Variants in SKOR1 observed in about 807,000 individuals in gnomAD.
SKOR1 encodes LBX1 corepressor 1.
SKOR1 carries 38 observed loss-of-function variants against 72.4 expected under a neutral mutation model. The observed-to-expected ratio is 0.52, with a 90% CI of 0.40 to 0.69. The LOEUF (loss-of-function observed/expected upper bound fraction) is 0.69, where lower values mean the gene tolerates loss of function less well. SKOR1 is among the 30% of genes least tolerant of loss of function. The probability of loss-of-function intolerance (pLI) is 0.00; values close to 1 mark genes in which losing one functional copy is unlikely to be tolerated. For synonymous variants in SKOR1, 642 were observed against 599.4 expected, an observed-to-expected ratio of 1.07 and a Z score of -1.04; for missense variants, 1,320 against 1,343.2, an observed-to-expected ratio of 0.98 and a Z score of 0.27.
rs563015397 is a variant in SKOR1, at chr15:67,827,710, G to T, written c.1882G>T (p.Ala628Ser). 38 of 1,541,476 alleles carry T rather than the reference G, an allele frequency of 2.5e-5. No individual in the cohort carries two copies. The highest frequency in any genetic ancestry group is 2.4e-4 in the Admixed American group (12 of 50,604). ...AGPARGPGPG[A>S]GSGGYVSPDF... ...GCCTGCTCGGGGGCCGGGACCCGGCGCTGGGAGCGGCGGCTACGTGAGCCC... is the reference window on the plus strand; with the variant it reads ...GCCTGCTCGGGGGCCGGGACCCGGCTCTGGGAGCGGCGGCTACGTGAGCCC... Residue 628 changes from alanine to serine, a missense_variant, in exon 2 of 9, where the codon GCT (alanine) becomes TCT (serine). Coordinates refer to ENST00000380035, the MANE Select transcript of SKOR1 (RefSeq NM_001365915.1).
In SKOR1 at chr15:67,827,644, G is replaced by A; in HGVS notation, c.1816G>A (p.Ala606Thr). The A allele has an allele frequency of 2.0e-6, 3 of 1,532,562 alleles. No homozygotes were observed. The highest frequency in any genetic ancestry group is 2.5e-5 in the East Asian group (1 of 40,664). 94.9% of individuals were successfully genotyped at this position (1,532,562 alleles called of 1,614,324 possible). A position where few individuals can be genotyped will look rare whatever the true frequency, so the allele number is the denominator to read the frequency against. Residue 606 changes from alanine to threonine, a missense_variant, in exon 2 of 9, where the codon GCT becomes ACT. Ala to Thr is a moderately conservative substitution (Grantham distance 58). Around this residue, in one of 3 missense-constraint regions of SKOR1, gnomAD observed 1,099 missense variants for 1,025.5 expected, o/e 1.07. Coordinates refer to ENST00000380035, the MANE Select transcript of SKOR1 (RefSeq NM_001365915.1). Reference sequence around the variant, plus strand: ...GGTGGTCAAGGACACCGAGAGCATCGCTAAGCTCTACGGGAGCGCCCGGGA... The same window carrying A: ...GGTGGTCAAGGACACCGAGAGCATCACTAAGCTCTACGGGAGCGCCCGGGA... Reference protein sequence around the residue: ...RPVVKDTESIAKLYGSAREAY... With the variant: ...RPVVKDTESITKLYGSAREAY...
chr15:67,827,971 G>A lies in SKOR1; in HGVS notation c.2143G>A (p.Gly715Ser), dbSNP rs954702213. 2 of 1,542,392 alleles carry A rather than the reference G, an allele frequency of 1.3e-6. No individual in the cohort carries two copies. The highest frequency in any genetic ancestry group is 2.0e-5 in the Admixed American group (1 of 49,830). Residue 715 changes from glycine to serine, a missense_variant, in exon 2 of 9, where the codon GGC becomes AGC. Physicochemically the swap from Gly to Ser is moderately conservative, Grantham distance 56 (BLOSUM62 0). Coordinates refer to ENST00000380035, the MANE Select transcript of SKOR1 (RefSeq NM_001365915.1). ...ADGPANSPDG[G>S]SPRPRRRLGP... is the part of the protein sequence containing the mutation. Reference sequence around the variant, plus strand: ...CGGTCCCGCAAACTCTCCCGACGGCGGCAGCCCCCGCCCCCGGCGCCGCCT... The same window carrying A: ...CGGTCCCGCAAACTCTCCCGACGGCAGCAGCCCCCGCCCCCGGCGCCGCCT...
chr15:67,827,369 C>A lies in SKOR1; in HGVS notation c.1541C>A (p.Ala514Glu). 1 of 1,567,558 alleles carries A rather than the reference C, an allele frequency of 6.4e-7. No individual in the cohort carries two copies. The highest frequency in any genetic ancestry group is 8.6e-7 in the Non-Finnish European group (1 of 1,166,648). ...PAAQSQAKAV[A>E]AAVAAAAAAA... ...GCTCAGAGCCAAGCCAAGGCCGTGGCGGCAGCCGTGGCGGCGGCAGCGGCG... is the reference window on the plus strand; with the variant it reads ...GCTCAGAGCCAAGCCAAGGCCGTGGAGGCAGCCGTGGCGGCGGCAGCGGCG... Residue 514 changes from alanine to glutamate, a missense_variant, in exon 2 of 9, where the codon GCG becomes GAG. Around this residue, in one of 3 missense-constraint regions of SKOR1, gnomAD observed 1,099 missense variants for 1,025.5 expected, o/e 1.07. Transcript: ENST00000380035.
chr15:67,833,134 C>A lies in SKOR1; in HGVS notation c.2738-58C>A, dbSNP rs1597020881. The A allele has an allele frequency of 1.3e-6, 2 of 1,595,332 alleles. No individual in the cohort carries two copies. Among genetic ancestry groups the A allele is most frequent in the African/African-American group, 2.7e-5 (2 of 74,454 alleles). Reference sequence around the variant, plus strand: ...GAGAGGAGGAAGCCCGGGCTGTGACCCCGGCCTTTCGGAGGGTGGTCTGCG... The same window carrying A: ...GAGAGGAGGAAGCCCGGGCTGTGACACCGGCCTTTCGGAGGGTGGTCTGCG... On this transcript the variant is annotated intron_variant, in intron 7 of 8. Transcript: ENST00000380035. This position sits in a 1 kb window ranked among gnomAD's most constrained non-coding sequence, Gnocchi z 6.0.
At chr15:67,829,111 A>C in intron 2 of SKOR1, 68 bp from the exon 3 acceptor site, 4 of 1,377,948 alleles carry the variant, frequency 2.9e-6, no homozygotes, top group Non-Finnish European at 3.9e-6. Flanking sequence ...GCCGCGGGGT[A>C]GGGCTGGGCG....
In SKOR1 at chr15:67,826,888, G is replaced by T. The variant is rs2090963373; in HGVS notation, c.1060G>T (p.Ala354Ser). ...PQRGLGLATGASGPAGPGGPG... is the reference protein window; with the variant it reads ...PQRGLGLATGSSGPAGPGGPG... ...GCGCGGACTTGGCCTGGCGACTGGA[G>T]CTAGTGGCCCGGCGGGCCCAGGAGG... The change falls in exon 2 of 9, where the codon GCT (alanine) becomes TCT (serine). Residue 354 changes from alanine (A) to serine (S), a missense_variant. By Grantham distance (99) the Ala-to-Ser change is moderately conservative. Transcript: ENST00000380035. 2 of 1,549,100 alleles carry T rather than the reference G, an allele frequency of 1.3e-6. No homozygotes were observed. The highest frequency in any genetic ancestry group is 2.7e-5 in the African/African-American group (2 of 73,088).
chr15:67,834,046 T>A lies in SKOR1; in HGVS notation c.*210T>A. 1 of 609,840 alleles carries A rather than the reference T, an allele frequency of 1.6e-6. No homozygotes were observed. Among genetic ancestry groups the A allele is most frequent in the Non-Finnish European group, 2.9e-6 (1 of 340,024 alleles). The allele number at this position is 609,840 out of a possible 1,614,324, so 37.8% of individuals were successfully genotyped here. On this transcript the variant is annotated 3_prime_UTR_variant, in exon 9 of 9. Transcript: ENST00000380035. The surrounding 1 kb of genome is among the most constrained non-coding windows in gnomAD (Gnocchi z 5.8). ...AGGGCCCCGGCTTGGTTTCCAAGTG[T>A]AAATACCGCCTCGCGCCTCAAATCC...
intron 3 of SKOR1, among the ~76,000 whole-genome samples, chr15:67,829,773 G>C (rs956780620): frequency 1.3e-5 from 2 of 152,210 alleles, no homozygotes; most frequent in Non-Finnish European, 2.9e-5. Flanking sequence ...GCGGAAAATC[G>C]GGCAGGTCGA....
Position 67,831,001 on chromosome 15 carries a change from G to T in SKOR1, c.2587+112G>T, listed in dbSNP as rs149276059. 4.9e-4 allele frequency: 519 copies of T among 1,052,446 alleles called. 2 individuals carry two copies. In the African/African-American group the frequency reaches 7.1e-3, roughly 14 times the overall value. The allele number at this position is 1,052,446 out of a possible 1,614,324, so 65.2% of individuals were successfully genotyped here. ...GAGTGTGGAAAAGACACTCACCAAGGCCTTGGGGGCATGAGTTTTCCTTTC... is the reference window on the plus strand; with the variant it reads ...GAGTGTGGAAAAGACACTCACCAAGTCCTTGGGGGCATGAGTTTTCCTTTC... On this transcript the variant is annotated intron_variant, in intron 5 of 8. Transcript: ENST00000380035.
chr15:67,831,685 A>G lies in SKOR1; in HGVS notation c.2588-589A>G, dbSNP rs190650870. Among the ~76,000 whole-genome samples, 202 of 152,240 alleles carry G rather than the reference A, an allele frequency of 1.3e-3. 1 individual carries two copies. Among genetic ancestry groups the G allele is most frequent in the African/African-American group, 4.7e-3 (194 of 41,524 alleles). On this transcript the variant is annotated intron_variant, in intron 5 of 8. Coordinates refer to ENST00000380035, the MANE Select transcript of SKOR1 (RefSeq NM_001365915.1). ...GGGAATTTGTGGCAGGAGGAAGACAAGCATTGGTGGTCTTCCATTCTTCCT... is the reference window on the plus strand; with the variant it reads ...GGGAATTTGTGGCAGGAGGAAGACAGGCATTGGTGGTCTTCCATTCTTCCT...
chr15:67,828,667 G>C (rs2090985000), intron 2 of SKOR1, among the ~76,000 whole-genome samples: 1 of 152,182 alleles, frequency 6.6e-6, no homozygotes. Flanking sequence ...GGAACCACAG[G>C]GTTCGTTGCT....
chr15:67,830,189 A>G lies in SKOR1; in HGVS notation c.2408-2A>G. 1 of 1,614,114 alleles carries G rather than the reference A, an allele frequency of 6.2e-7. No individual in the cohort carries two copies. The highest frequency in any genetic ancestry group is 8.5e-7 in the Non-Finnish European group (1 of 1,180,002). The stretch of plus-strand genomic sequence containing the variant: ...CTTGAAATTCGGTTTGTTGCCTTCA[A>G]GAGCCAGATAAGGAAGACAATCACT... On this transcript the variant is annotated splice_acceptor_variant, in intron 3 of 8. Transcript: ENST00000380035. LOFTEE classifies it high-confidence loss of function.
rs2091019810 is a variant in SKOR1, at chr15:67,832,923, A to G, written c.2737+242A>G. ...TATCGCGGCAATTTCCATGGTTTCT[A>G]AATTAAAAATCGAGGCGTAAAATTA... On this transcript the variant is annotated intron_variant, in intron 7 of 8. Coordinates refer to ENST00000380035, the MANE Select transcript of SKOR1 (RefSeq NM_001365915.1). This position sits in a 1 kb window ranked among gnomAD's most constrained non-coding sequence, Gnocchi z 4.5. The G allele has an allele frequency of 3.3e-6, 2 of 601,540 alleles. No homozygotes were observed. The allele number at this position is 601,540 out of a possible 1,614,324, so 37.3% of individuals were successfully genotyped here.
chr15:67,832,363 C>T lies in SKOR1; in HGVS notation c.2662+15C>T. The T allele has an allele frequency of 1.2e-6, 2 of 1,613,406 alleles. No homozygotes were observed. Among genetic ancestry groups the T allele is most frequent in the South Asian group, 1.1e-5 (1 of 91,052 alleles). The stretch of plus-strand genomic sequence containing the variant: ...GAGTCTCAAAGGTACCCACTGCCAT[C>T]CTGCCTCACCCCACCTCATCACCGA... On this transcript the variant is annotated intron_variant, in intron 6 of 8. Transcript: ENST00000380035. This position sits in a 1 kb window ranked among gnomAD's most constrained non-coding sequence, Gnocchi z 4.5.
chr15:67,832,493 G>A lies in SKOR1; in HGVS notation c.2663-114G>A. The A allele has an allele frequency of 7.6e-7, 1 of 1,313,320 alleles. No homozygotes were observed. Among genetic ancestry groups the A allele is most frequent in the Non-Finnish European group, 1.1e-6 (1 of 924,326 alleles). 81.4% of individuals were successfully genotyped at this position (1,313,320 alleles called of 1,614,324 possible). A position where few individuals can be genotyped will look rare whatever the true frequency, so the allele number is the denominator to read the frequency against. On this transcript the variant is annotated intron_variant, in intron 6 of 8. Transcript: ENST00000380035. This position sits in a 1 kb window ranked among gnomAD's most constrained non-coding sequence, Gnocchi z 4.5. ...AAACTGTCCTTTTCCAGGGCTGCAG[G>A]CGAATGGCTGGGTGGGAGTTGGGGG...
At chr15:67,829,101 G>C in intron 2 of SKOR1, 78 bp from the exon 3 acceptor site, 5 of 1,339,184 alleles carry the variant, frequency 3.7e-6, no homozygotes, top group Non-Finnish European at 5.0e-6. Flanking sequence ...TTCCCTCTTG[G>C]CCGCGGGGTA....
At position 67,834,026 on chromosome 15, in the gene SKOR1, C is replaced by G; in HGVS notation, c.*190C>G. 1 of 647,194 alleles carries G rather than the reference C, an allele frequency of 1.5e-6. No individual in the cohort carries two copies. Among genetic ancestry groups the G allele is most frequent in the Non-Finnish European group, 2.7e-6 (1 of 365,652 alleles). The allele number at this position is 647,194 out of a possible 1,614,324, so 40.1% of individuals were successfully genotyped here. On this transcript the variant is annotated 3_prime_UTR_variant, in exon 9 of 9. Coordinates refer to ENST00000380035, the MANE Select transcript of SKOR1 (RefSeq NM_001365915.1). This position sits in a 1 kb window ranked among gnomAD's most constrained non-coding sequence, Gnocchi z 5.8. ...CCTCCCGGGCGTCCCTGTCCAGGGCCCCGGCTTGGTTTCCAAGTGTAAATA... is the reference window on the plus strand; with the variant it reads ...CCTCCCGGGCGTCCCTGTCCAGGGCGCCGGCTTGGTTTCCAAGTGTAAATA...
intron 5 of SKOR1, among the ~76,000 whole-genome samples, chr15:67,831,903 C>CCGGGGGGGGGGGGGGGGGG (rs1476265010): frequency 7.0e-5 from 2 of 28,754 alleles, no homozygotes; most frequent in Admixed American, 3.0e-4. Context: ...GGCGGCGGTG[C>CCGGGGGGGGGGGGGGGGGG]GGGGGGGGGA....
In SKOR1 at chr15:67,833,614, C is replaced by G; in HGVS notation, c.2804-128C>G. The G allele has an allele frequency of 3.1e-6, 3 of 974,128 alleles. No homozygotes were observed. Among genetic ancestry groups the G allele is most frequent in the Non-Finnish European group, 4.9e-6 (3 of 613,804 alleles). The allele number at this position is 974,128 out of a possible 1,614,324, so 60.3% of individuals were successfully genotyped here. The stretch of plus-strand genomic sequence containing the variant: ...CTTTTGTCCTACCCTCCTGCCTCCT[C>G]CTGATCCGCTCGGTTGAGATTCCCT... On this transcript the variant is annotated intron_variant, in intron 8 of 8. Coordinates refer to ENST00000380035, the MANE Select transcript of SKOR1 (RefSeq NM_001365915.1). The surrounding 1 kb of genome is among the most constrained non-coding windows in gnomAD (Gnocchi z 6.0).
Sources: allele counts gnomAD v4.1 joint callset (sites outside exome capture counted in the v4.1 genomes callset), GRCh38; gene constraint gnomAD v4.1.1; regional missense constraint gnomAD v4.1.1; non-coding constraint Gnocchi (gnomAD v3.1); transcripts MANE v1.5; gene names NCBI Gene and HGNC (gene_info 2026-07-23, HGNC 2026-07-21).